Variants in LIG4 observed in about 807,000 individuals in gnomAD.
LIG4 encodes DNA joinase.
In LIG4, 13 loss-of-function variants were observed where a neutral mutation model predicts 19.0. The observed-to-expected ratio is 0.68, with a 90% CI of 0.44 to 1.09. LIG4 has a LOEUF of 1.09. LIG4 is among the 50% of genes least tolerant of loss of function. The pLI, the probability that LIG4 is intolerant of heterozygous loss-of-function variation, is 0.00. For missense variants in LIG4, 1,026 were observed against 1,089.7 expected (o/e 0.94, Z 0.82); for synonymous variants, 361 against 358.2 (o/e 1.01, Z -0.09).
chr13:108,209,734 A>T lies in LIG4; in HGVS notation c.1535T>A (p.Met512Lys). Residue 512 changes from methionine (M) to lysine (K), a missense_variant, in exon 3 of 3, where the codon ATG (methionine) becomes AAG (lysine). This residue lies in a region of LIG4 where 521 missense variants were observed against 515.5 expected (regional missense o/e 1.01). Transcript: ENST00000442234. ...TLSRVGSGCT[M>K]KELYDLGLKL... Reference sequence around the variant, plus strand: ...CAAACCCAGATCATACAGTTCTTTCATGGTGCAGCCAGACCCAACACGAGA... The same window carrying T: ...CAAACCCAGATCATACAGTTCTTTCTTGGTGCAGCCAGACCCAACACGAGA... The T allele has an allele frequency of 6.2e-7, 1 of 1,614,068 alleles. No individual in the cohort carries two copies. The highest frequency in any genetic ancestry group is 8.5e-7 in the Non-Finnish European group (1 of 1,179,998).
chr13:108,217,802 G>A (rs558978000), upstream of LIG4, among the ~76,000 whole-genome samples: 120 of 152,234 alleles, frequency 7.9e-4, no homozygotes, highest in African/African-American at 2.7e-3. Context: ...GCACACATCT[G>A]TAAACAAGTG....
chr13:108,215,964 T>C (rs1879268371), upstream of LIG4, among the ~76,000 whole-genome samples: 2 of 152,018 alleles, frequency 1.3e-5, no homozygotes, highest in South Asian at 4.1e-4. Flanking sequence ...AAATAGGCTT[T>C]TGCAAACTAT....
At chr13:108,212,983 C>A (rs1878822344) in intron 2 of LIG4, among the ~76,000 whole-genome samples, 1 of 152,096 alleles carries the variant, frequency 6.6e-6, no homozygotes, top group Admixed American at 6.5e-5. Context: ...TATTCAGTAG[C>A]TCTGACTGCC....
Position 108,209,738 on chromosome 13 carries a change from T to G in LIG4, c.1531A>C (p.Thr511Pro). Residue 511 changes from threonine to proline, a missense_variant, in exon 3 of 3, where the codon ACC becomes CCC. Transcript: ENST00000442234. ...HTLSRVGSGC[T>P]MKELYDLGLK... ...CCCAGATCATACAGTTCTTTCATGG[T>G]GCAGCCAGACCCAACACGAGAGAGA... 6.2e-7 allele frequency: 1 copy of G among 1,614,046 alleles called. No individual in the cohort carries two copies. The highest frequency in any genetic ancestry group is 8.5e-7 in the Non-Finnish European group (1 of 1,179,920).
chr13:108,209,285 C>A lies in LIG4; in HGVS notation c.1984G>T (p.Val662Leu). 6.2e-7 allele frequency: 1 copy of A among 1,614,128 alleles called. No homozygotes were observed. The highest frequency in any genetic ancestry group is 8.5e-7 in the Non-Finnish European group (1 of 1,179,982). Residue 662 changes from valine (V) to leucine (L), a missense_variant, in exon 3 of 3, where the codon GTA (valine) becomes TTA (leucine). Around this residue, in one of 3 missense-constraint regions of LIG4, gnomAD observed 521 missense variants for 515.5 expected, o/e 1.01. Transcript: ENST00000442234. ...GTTCCACTCATAACACAAAACTCTA[C>A]ATCTTCAAATATATTAGAAATTTTG... is the stretch of plus-strand genomic sequence containing the variant. ...VNKISNIFEDVEFCVMSGTDS... is the reference protein window; with the variant it reads ...VNKISNIFEDLEFCVMSGTDS...
Position 108,209,827 on chromosome 13 carries a change from G to GACATCATTCC in LIG4, c.1432_1441dup (p.Ser481TrpfsTer18). ...CTCTGCTACTGCACACAGAAAATGA[G>GACATCATTCC]ACATCATTCCACCCCGTGATCCTTT... is the stretch of plus-strand genomic sequence containing the variant. On this transcript the variant is annotated frameshift_variant, in exon 3 of 3. Coordinates refer to ENST00000442234, the MANE Select transcript of LIG4 (RefSeq NM_206937.2). LOFTEE classifies it low-confidence loss of function (END_TRUNC). 6.2e-7 allele frequency: 1 copy of GACATCATTCC among 1,614,088 alleles called. No individual in the cohort carries two copies.
chr13:108,209,954 T>G lies in LIG4; in HGVS notation c.1315A>C (p.Lys439Gln). 6.2e-7 allele frequency: 1 copy of G among 1,613,832 alleles called. No homozygotes were observed. Residue 439 changes from lysine (K) to glutamine (Q), a missense_variant, in exon 3 of 3, where the codon AAG (lysine) becomes CAG (glutamine). Around this residue, in one of 3 missense-constraint regions of LIG4, gnomAD observed 493 missense variants for 544.5 expected, o/e 0.91. Transcript: ENST00000442234. ...CACCCTTCACCTCTTTTGTCTGGCT[T>G]GTAGATGGATAGAGGTTGTTTTACC... ...IMVKQPLSIY[K>Q]PDKRGEGWLK...
chr13:108,211,265 C>T lies in LIG4; in HGVS notation c.4G>A (p.Ala2Thr), dbSNP rs1250121630. Residue 2 changes from alanine (A) to threonine (T), a missense_variant, in exon 3 of 3, where the codon GCT (alanine) becomes ACT (threonine). Ala to Thr is a moderately conservative substitution (Grantham distance 58). Transcript: ENST00000442234. The stretch of plus-strand genomic sequence containing the variant: ...ACAGTTTGTGAAGTTTGTGAGGCAG[C>T]CATCAAAGCGGTGATGAATCTTCTC... M[A>T]ASQTSQTVAS... The T allele has an allele frequency of 2.5e-6, 4 of 1,610,236 alleles. No individual in the cohort carries two copies. Among genetic ancestry groups the T allele is most frequent in the African/African-American group, 2.7e-5 (2 of 74,858 alleles).
In LIG4 at chr13:108,211,160, T is replaced by A; in HGVS notation, c.109A>T (p.Arg37Ter). 1 of 1,613,488 alleles carries A rather than the reference T, an allele frequency of 6.2e-7. No individual in the cohort carries two copies. The highest frequency in any genetic ancestry group is 1.1e-5 in the South Asian group (1 of 91,022). The change falls in exon 3 of 3, where the codon AGA becomes TGA. Residue 37 changes from arginine to a stop codon, truncating the protein, a stop_gained. Coordinates refer to ENST00000442234, the MANE Select transcript of LIG4 (RefSeq NM_206937.2). LOFTEE classifies it high-confidence loss of function. ...GAATCTAAAAATTCCCTGAAGTGTC[T>A]GATTTTTTCTGCACGTCCTTTACTT... ...QKSKGRAEKI[R>*]HFREFLDSWR...
In LIG4 at chr13:108,209,483, G is replaced by C; in HGVS notation, c.1786C>G (p.Leu596Val). The change falls in exon 3 of 3, where the codon CTG becomes GTG. Residue 596 changes from leucine (L) to valine (V), a missense_variant. Leu to Val is a conservative substitution (Grantham distance 32, BLOSUM62 1). Around this residue, in one of 3 missense-constraint regions of LIG4, gnomAD observed 521 missense variants for 515.5 expected, o/e 1.01. Coordinates refer to ENST00000442234, the MANE Select transcript of LIG4 (RefSeq NM_206937.2). ...CCCCTAAGTTGTTCTAGGTCGTCCA[G>C]GGTCATGCACTCATGCCACTCCTTG... is the stretch of plus-strand genomic sequence containing the variant. ...DDKEWHECMT[L>V]DDLEQLRGKA... The C allele has an allele frequency of 6.2e-7, 1 of 1,614,120 alleles. No homozygotes were observed. The highest frequency in any genetic ancestry group is 8.5e-7 in the Non-Finnish European group (1 of 1,180,014).
At position 108,210,459 on chromosome 13, in the gene LIG4, T is replaced by C. The variant is rs1251294165; in HGVS notation, c.810A>G (p.Ile270Met). The C allele has an allele frequency of 1.2e-6, 2 of 1,613,334 alleles. No homozygotes were observed. Among genetic ancestry groups the C allele is most frequent in the Non-Finnish European group, 1.7e-6 (2 of 1,179,964 alleles). Residue 270 changes from isoleucine to methionine, a missense_variant, in exon 3 of 3, where the codon ATA becomes ATG. Coordinates refer to ENST00000442234, the MANE Select transcript of LIG4 (RefSeq NM_206937.2). ...TACGTTCACCATCTAGCTTGGTTTC[T>C]ATGTAGAAACTCTGATGTTTCATAT... Reference protein sequence around the residue: ...EKDMKHQSFYIETKLDGERMQ... With the variant: ...EKDMKHQSFYMETKLDGERMQ...
chr13:108,217,271 T>C (rs2139002585), upstream of LIG4, among the ~76,000 whole-genome samples: 1 of 152,108 alleles, frequency 6.6e-6, no homozygotes, highest in East Asian at 1.9e-4. Context: ...ATCCCAGCAC[T>C]TTGGGAGGCC....
intron 2 of LIG4, among the ~76,000 whole-genome samples, chr13:108,211,588 A>G (rs1200943432): frequency 1.3e-5 from 2 of 152,200 alleles, no homozygotes; most frequent in Admixed American, 1.3e-4. Context: ...CAGTTATTCT[A>G]TGTATTAATT....
Position 108,210,065 on chromosome 13 carries a change from T to C in LIG4, c.1204A>G (p.Ile402Val), listed in dbSNP as rs374180232. The change falls in exon 3 of 3, where the codon ATA becomes GTA. Residue 402 changes from isoleucine (I) to valine (V), a missense_variant. Ile to Val is a conservative substitution (Grantham distance 29, BLOSUM62 3). Coordinates refer to ENST00000442234, the MANE Select transcript of LIG4 (RefSeq NM_206937.2). ...GTATGAGCTTGTGTTTTCTGCACTA[T>C]TTCTATTCTACCTGGAATTGGTGTA... is the stretch of plus-strand genomic sequence containing the variant. ...IFTPIPGRIE[I>V]VQKTQAHTKN... The C allele has an allele frequency of 3.8e-5, 62 of 1,613,014 alleles. No individual in the cohort carries two copies. Among genetic ancestry groups the C allele is most frequent in the Non-Finnish European group, 5.1e-5 (60 of 1,179,938 alleles).
At position 108,209,484 on chromosome 13, in the gene LIG4, G is replaced by T. The variant is rs1185389814; in HGVS notation, c.1785C>A (p.Thr595=). 1 of 1,613,996 alleles carries T rather than the reference G, an allele frequency of 6.2e-7. No individual in the cohort carries two copies. Among genetic ancestry groups the T allele is most frequent in the South Asian group, 1.1e-5 (1 of 91,066 alleles). Residue 595 remains threonine (T), a synonymous_variant, in exon 3 of 3, where the codon ACC becomes ACA. Transcript: ENST00000442234. ...RDDKEWHECM[T]LDDLEQLRGK... is the part of the protein sequence containing the mutation. ...CCCTAAGTTGTTCTAGGTCGTCCAG[G>T]GTCATGCACTCATGCCACTCCTTGT...
At chr13:108,214,309 A>G (rs77008707) in intron 2 of LIG4, among the ~76,000 whole-genome samples, 2,282 of 152,320 alleles carry the variant, frequency 0.015, 34 homozygotes, top group Middle Eastern at 0.041. Flanking sequence ...AATCTCAGCA[A>G]AAAGAAATGA....
upstream of LIG4, among the ~76,000 whole-genome samples, chr13:108,216,277 A>G (rs558904515): frequency 2.4e-3 from 364 of 152,342 alleles, 2 homozygotes; most frequent in Non-Finnish European, 3.6e-3. Context: ...TGCTGTGGTC[A>G]GTCCTCTTTC....
In LIG4 at chr13:108,208,792, A is replaced by C; in HGVS notation, c.2477T>G (p.Ile826Ser). The C allele has an allele frequency of 6.2e-7, 1 of 1,614,198 alleles. No individual in the cohort carries two copies. Among genetic ancestry groups the C allele is most frequent in the Non-Finnish European group, 8.5e-7 (1 of 1,180,024 alleles). ...HTVYLDSYAVINDLSTKNEGT... is the reference protein window; with the variant it reads ...HTVYLDSYAVSNDLSTKNEGT... ...CTCATTTTTGGTACTCAGGTCATTA[A>C]TAACAGCATACGAGTCCAAATAAAC... is the stretch of plus-strand genomic sequence containing the variant. The change falls in exon 3 of 3, where the codon ATT becomes AGT. Residue 826 changes from isoleucine to serine, a missense_variant. Ile to Ser is a moderately radical substitution (Grantham distance 142). Transcript: ENST00000442234.
rs188422094 is a variant in LIG4 at position 108,208,720 on chromosome 13, G to A, written c.2549C>T (p.Ala850Val). The part of the protein sequence containing the change: ...IKALELRFHG[A>V]KVVSCLAEGV... ...CTCAGCTAAACAAGAAACTACTTTT[G>A]CTCCATGAAACCGAAGCTCCAAGGC... is the stretch of plus-strand genomic sequence containing the variant. Residue 850 changes from alanine to valine, a missense_variant, in exon 3 of 3, where the codon GCA becomes GTA. Physicochemically the swap from Ala to Val is moderately conservative, Grantham distance 64. Transcript: ENST00000442234. 162 of 1,614,134 alleles carry A rather than the reference G, an allele frequency of 1.0e-4. No individual in the cohort carries two copies. The highest frequency in any genetic ancestry group is 3.0e-4 in the Admixed American group (18 of 60,012).
Sources: allele counts gnomAD v4.1 joint callset (sites outside exome capture counted in the v4.1 genomes callset), GRCh38; gene constraint gnomAD v4.1.1; regional missense constraint gnomAD v4.1.1; transcripts MANE v1.5; gene names NCBI Gene and HGNC (gene_info 2026-07-23, HGNC 2026-07-21).